RBFOX3: variants seen among roughly 807,000 people sequenced by gnomAD.
The protein encoded by RBFOX3 is RNA binding protein fox-1 homolog 3.
In RBFOX3, 17 loss-of-function variants were observed where a neutral mutation model predicts 48.7. The observed-to-expected ratio is 0.35, with a 90% CI of 0.24 to 0.52. The LOEUF (loss-of-function observed/expected upper bound fraction) is 0.52. RBFOX3 is among the 20% of genes least tolerant of loss of function. RBFOX3 has a pLI of 0.94. For synonymous variants in RBFOX3, 212 were observed against 209.5 expected (o/e 1.01, Z -0.10); for missense variants, 382 against 497.5 (o/e 0.77, Z 2.21).
chr17:79,451,377 G>A (rs1054914091), intron 2 of RBFOX3, among the ~76,000 whole-genome samples: 10 of 152,258 alleles, frequency 6.6e-5, no homozygotes, highest in East Asian at 1.9e-4. Flanking sequence ...TGTCACCTCC[G>A]CCGAGCTCTG....
intron 1 of RBFOX3, among the ~76,000 whole-genome samples, chr17:79,515,725 G>C (rs1420124244): frequency 2.6e-5 from 4 of 152,058 alleles, no homozygotes; most frequent in Non-Finnish European, 5.9e-5. Flanking sequence ...TCCTTGCTGT[G>C]GCAACCACAC....
At chr17:79,430,194 A>G (rs1555727716) in intron 2 of RBFOX3, among the ~76,000 whole-genome samples, 1 of 152,198 alleles carries the variant, frequency 6.6e-6, no homozygotes, top group Non-Finnish European at 1.5e-5. Context: ...ACAATAGCCC[A>G]GTCACTTCGA....
the RBFOX3 span, among the ~76,000 whole-genome samples, chr17:79,662,493 A>G: frequency 1.3e-5 from 2 of 152,082 alleles, 1 homozygote; most frequent in South Asian, 4.2e-4. Flanking sequence ...TAGGTTGCAA[A>G]GATCTGCCAT....
chr17:79,508,106 A>G (rs1399014), intron 1 of RBFOX3, among the ~76,000 whole-genome samples: 41,761 of 152,244 alleles, frequency 0.27, 7,153 homozygotes, highest in Non-Finnish European at 0.37. Context: ...AAACACCAGC[A>G]GACTCCAGAG....
chr17:79,592,191 G>A lies in RBFOX3; in HGVS notation c.-320+18635C>T, dbSNP rs956807485. On this transcript the variant is annotated intron_variant, in intron 1 of 14. Transcript: ENST00000693108. The stretch of plus-strand genomic sequence containing the variant: ...CTGCAGGGTGTGGAGTACTGTCGTC[G>A]TATGTGCACACATGCATGCATGTGT... Among the ~76,000 whole-genome samples the A allele has an allele frequency of 2.6e-3, 382 of 149,772 alleles. 1 individual carries two copies. The highest frequency in any genetic ancestry group is 5.5e-3 in the African/African-American group (222 of 40,668).
Position 79,242,011 on chromosome 17 carries a change from A to G in RBFOX3, c.-73-6206T>C, listed in dbSNP as rs2062452598. Among the ~76,000 whole-genome samples the G allele has an allele frequency of 6.6e-6, 1 of 152,256 alleles. No homozygotes were observed. The highest frequency in any genetic ancestry group is 6.5e-5 in the Admixed American group (1 of 15,282). ...GTGACCGACATTTAGTGCAGCACACACAGCTTCCACGTATTCACTCGATTC... is the reference window on the plus strand; with the variant it reads ...GTGACCGACATTTAGTGCAGCACACGCAGCTTCCACGTATTCACTCGATTC... On this transcript the variant is annotated intron_variant, in intron 3 of 14. Transcript: ENST00000693108. The surrounding 1 kb of genome is among the most constrained non-coding windows in gnomAD (Gnocchi z 5.8).
the RBFOX3 span, among the ~76,000 whole-genome samples, chr17:79,655,800 G>A: frequency 6.6e-6 from 1 of 152,152 alleles, no homozygotes; most frequent in Non-Finnish European, 1.5e-5. Context: ...AGTATGGGGT[G>A]TCCACCAATA....
intron 2 of RBFOX3, among the ~76,000 whole-genome samples, chr17:79,371,058 G>A (rs1431514244): frequency 1.3e-5 from 2 of 152,196 alleles, no homozygotes; most frequent in African/African-American, 4.8e-5. Context: ...AGGCATGCAC[G>A]GTGGGGTGGC....
intron 4 of RBFOX3, among the ~76,000 whole-genome samples, chr17:79,142,920 A>C (rs8080999): frequency 0.5 from 75,312 of 151,594 alleles, 19,771 homozygotes; most frequent in Non-Finnish European, 0.59. Context: ...CCTCCCACCC[A>C]TGCACGTGGC....
chr17:79,665,282 C>T, the RBFOX3 span, among the ~76,000 whole-genome samples: 1 of 151,982 alleles, frequency 6.6e-6, no homozygotes. Context: ...TTTCCAATAG[C>T]TTTTGCCAGA....
At chr17:79,422,458 C>A (rs2066592811) in intron 2 of RBFOX3, among the ~76,000 whole-genome samples, 1 of 152,118 alleles carries the variant, frequency 6.6e-6, no homozygotes, top group Non-Finnish European at 1.5e-5. Context: ...CCTGCCCGAG[C>A]CGGCTGCTGC....
At chr17:79,647,611 G>C in the RBFOX3 span, among the ~76,000 whole-genome samples, 1 of 152,102 alleles carries the variant, frequency 6.6e-6, no homozygotes, top group Non-Finnish European at 1.5e-5. Context: ...GGGAGCCTGG[G>C]GCCATCCCAC....
chr17:79,310,124 G>C (rs892409477), intron 2 of RBFOX3, among the ~76,000 whole-genome samples: 1 of 152,330 alleles, frequency 6.6e-6, no homozygotes, highest in Middle Eastern at 3.4e-3. Context: ...TGAATGCACA[G>C]CTACCCCGGA....
At chr17:79,543,648 G>A (rs998244430) in intron 1 of RBFOX3, among the ~76,000 whole-genome samples, 21 of 152,166 alleles carry the variant, frequency 1.4e-4, no homozygotes, top group African/African-American at 3.4e-4. Flanking sequence ...AACAAACAGC[G>A]AGCGAGGTAG....
At chr17:79,278,178 G>A (rs1158657884) in intron 3 of RBFOX3, among the ~76,000 whole-genome samples, 1 of 152,188 alleles carries the variant, frequency 6.6e-6, no homozygotes, top group Non-Finnish European at 1.5e-5. Flanking sequence ...CGGGGGTCCA[G>A]TCCTGGGAGA....
intron 1 of RBFOX3, among the ~76,000 whole-genome samples, chr17:79,588,743 G>A (rs954039364): frequency 1.6e-4 from 24 of 146,290 alleles, no homozygotes; most frequent in South Asian, 4.2e-4. Flanking sequence ...CCTGAGCTTG[G>A]ACCTGGGCCA....
intron 3 of RBFOX3, among the ~76,000 whole-genome samples, chr17:79,247,620 G>A (rs548374027): frequency 2.0e-5 from 3 of 152,218 alleles, no homozygotes; most frequent in Admixed American, 2.0e-4. Flanking sequence ...CCCCCATGTT[G>A]TTTTAATTTA....
intron 1 of RBFOX3, among the ~76,000 whole-genome samples, chr17:79,498,286 A>G (rs1352898280): frequency 2.0e-5 from 3 of 152,078 alleles, no homozygotes; most frequent in African/African-American, 7.2e-5. Context: ...TTACAATCCA[A>G]CAGAAGAATT....
At chr17:79,106,422 A>C (rs1381279324) in intron 6 of RBFOX3, among the ~76,000 whole-genome samples, 2 of 150,678 alleles carry the variant, frequency 1.3e-5, no homozygotes, top group East Asian at 3.9e-4. Context: ...AGATCCCCCT[A>C]CTCCTCAGCT....
Sources: allele counts gnomAD v4.1 joint callset (sites outside exome capture counted in the v4.1 genomes callset), GRCh38; gene constraint gnomAD v4.1.1; non-coding constraint Gnocchi (gnomAD v3.1); transcripts MANE v1.5; gene names NCBI Gene and HGNC (gene_info 2026-07-23, HGNC 2026-07-21).